RPH3A: variants seen among roughly 807,000 people sequenced by gnomAD.
RPH3A encodes rabphilin-3A.
Under a neutral mutation model 102.2 loss-of-function variants are expected in RPH3A, and 48 were observed. That is an observed-to-expected ratio of 0.47 (90% CI 0.37 to 0.60). The LOEUF (loss-of-function observed/expected upper bound fraction) is 0.60, where lower values mean the gene tolerates loss of function less well. RPH3A is among the 20% of genes least tolerant of loss of function. RPH3A has a pLI of 0.00. For missense variants in RPH3A, 781 were observed against 910.1 expected (o/e 0.86, Z 1.83); for synonymous variants, 310 against 324.3 (o/e 0.96, Z 0.47).
intron 1 of RPH3A, among the ~76,000 whole-genome samples, chr12:112,731,927 G>C (rs1446167326): frequency 6.6e-6 from 1 of 152,188 alleles, no homozygotes; most frequent in Admixed American, 6.5e-5. Flanking sequence ...TACATAATTT[G>C]TGTGTTTTCT....
At chr12:112,662,163 T>C (rs1456415010) in intron 1 of RPH3A, among the ~76,000 whole-genome samples, 5 of 152,224 alleles carry the variant, frequency 3.3e-5, no homozygotes, top group African/African-American at 1.2e-4. Context: ...TTTTCTTTTT[T>C]GGTCTACCAC....
At chr12:112,698,807 C>T (rs938100577) in intron 1 of RPH3A, among the ~76,000 whole-genome samples, 1 of 151,370 alleles carries the variant, frequency 6.6e-6, no homozygotes, top group Non-Finnish European at 1.5e-5. Flanking sequence ...GATAGTTTTC[C>T]CCTCCTTCTC....
chr12:112,820,819 C>A (rs1250754576), intron 2 of RPH3A, among the ~76,000 whole-genome samples: 1 of 152,170 alleles, frequency 6.6e-6, no homozygotes, highest in Non-Finnish European at 1.5e-5. Context: ...TCATGGCAGG[C>A]ACCATCTGTT....
intron 2 of RPH3A, among the ~76,000 whole-genome samples, chr12:112,797,488 A>G (rs949351534): frequency 6.6e-6 from 1 of 152,014 alleles, no homozygotes; most frequent in African/African-American, 2.4e-5. Flanking sequence ...CTGCTACTGA[A>G]TCCCACAGGA....
intron 1 of RPH3A, among the ~76,000 whole-genome samples, chr12:112,646,837 C>G (rs2039935242): frequency 6.6e-6 from 1 of 152,150 alleles, no homozygotes; most frequent in Admixed American, 6.5e-5. Context: ...TTGCTGATGC[C>G]TGGTGAGAGT....
chr12:112,715,436 C>A (rs1032229763), intron 1 of RPH3A, among the ~76,000 whole-genome samples: 1 of 152,190 alleles, frequency 6.6e-6, no homozygotes, highest in Admixed American at 6.5e-5. Flanking sequence ...CCCCTCTCCA[C>A]TCAAATGTAA....
At chr12:112,891,024 T>A in intron 19 of RPH3A, 21 bp downstream of exon 19, 2 of 1,613,696 alleles carry the variant, frequency 1.2e-6, no homozygotes, top group Non-Finnish European at 1.7e-6. Flanking sequence ...GCCTTGGGGC[T>A]ACAGGTGGGC....
chr12:112,679,337 T>C (rs1203287360), intron 1 of RPH3A, among the ~76,000 whole-genome samples: 2 of 152,118 alleles, frequency 1.3e-5, no homozygotes, highest in African/African-American at 4.8e-5. Flanking sequence ...GTATTTTTAG[T>C]AGAGATGGGG....
chr12:112,855,888 T>A (rs371416278), intron 5 of RPH3A, among the ~76,000 whole-genome samples: 2 of 151,892 alleles, frequency 1.3e-5, no homozygotes, highest in Non-Finnish European at 2.9e-5. Flanking sequence ...TGTGTGTGTG[T>A]GAGAGACAGA....
At chr12:112,820,024 G>A (rs965712991) in intron 2 of RPH3A, among the ~76,000 whole-genome samples, 1 of 152,204 alleles carries the variant, frequency 6.6e-6, no homozygotes, top group African/African-American at 2.4e-5. Flanking sequence ...AAAAGGACAA[G>A]GATACAGAAA....
chr12:112,897,766 C>T lies in RPH3A; in HGVS notation c.*986C>T, dbSNP rs1320471147. The T allele has an allele frequency of 6.6e-6, 1 of 152,344 alleles. No individual in the cohort carries two copies. The highest frequency in any genetic ancestry group is 1.5e-5 in the Non-Finnish European group (1 of 68,132). 9.4% of individuals were successfully genotyped at this position (152,344 alleles called of 1,614,324 possible). ...CACTCCTCCCGTTGGCAGAACCAGA[C>T]ATTCCCAGGGCTTGGGCCAATGGCT... On this transcript the variant is annotated 3_prime_UTR_variant, in exon 22 of 22. Transcript: ENST00000389385.
rs73193163 is a variant in RPH3A, at chr12:112,576,103, T to G, written c.-140+784T>G. ...CCACGCTCCCTGAACTTGCTACTTG[T>G]GATGACCCTGATTTTACAGACAGGG... On this transcript the variant is annotated intron_variant, in intron 1 of 21. Coordinates refer to the RPH3A transcript ENST00000543106. Among the ~76,000 whole-genome samples the G allele has an allele frequency of 5.3e-5, 8 of 152,196 alleles. 1 individual carries two copies. The East Asian group carries it at 1.3e-3, about 26-fold the overall frequency.
intron 1 of RPH3A, among the ~76,000 whole-genome samples, chr12:112,713,612 T>G (rs1486939594): frequency 2.0e-5 from 3 of 152,118 alleles, no homozygotes; most frequent in Non-Finnish European, 4.4e-5. Context: ...GTGTGGCTGT[T>G]TTGAGACTCA....
intron 1 of RPH3A, among the ~76,000 whole-genome samples, chr12:112,580,545 C>A (rs550428090): frequency 4.6e-5 from 7 of 151,610 alleles, no homozygotes; most frequent in African/African-American, 1.2e-4. Flanking sequence ...CTGGGACCAC[C>A]GGCGCCCGCC....
intron 1 of RPH3A, among the ~76,000 whole-genome samples, chr12:112,721,136 C>T (rs2040547509): frequency 6.6e-6 from 1 of 152,186 alleles, no homozygotes. Flanking sequence ...AGCATAGTTT[C>T]TGGCACACGG....
intron 1 of RPH3A, among the ~76,000 whole-genome samples, chr12:112,756,898 GTAT>G (rs760332403): frequency 7.2e-4 from 110 of 152,310 alleles, no homozygotes; most frequent in Admixed American, 3.2e-3. Context: ...CCAGCAAAAA[GTAT>G]TATTAACCTT....
upstream of RPH3A, among the ~76,000 whole-genome samples, chr12:112,787,256 G>A (rs1471916066): frequency 6.6e-6 from 1 of 152,280 alleles, no homozygotes; most frequent in African/African-American, 2.4e-5. Flanking sequence ...CCCTTTTGGG[G>A]ATGAAAATGT....
At position 112,869,742 on chromosome 12, in the gene RPH3A, G is replaced by C; in HGVS notation, c.611-17G>C. 1 of 1,614,056 alleles carries C rather than the reference G, an allele frequency of 6.2e-7. No homozygotes were observed. The highest frequency in any genetic ancestry group is 1.1e-5 in the South Asian group (1 of 91,074). ...AGAAAACCAGTACTCCTCATAATTT[G>C]TGTTTTCTTTCTCCAGGTGACAGTG... On this transcript the variant is annotated splice_polypyrimidine_tract_variant and intron_variant, in intron 8 of 21. Transcript: ENST00000389385.
intron 1 of RPH3A, among the ~76,000 whole-genome samples, chr12:112,744,307 C>A (rs934628599): frequency 1.3e-5 from 2 of 152,090 alleles, no homozygotes; most frequent in Non-Finnish European, 2.9e-5. Flanking sequence ...AACTCCTGAC[C>A]TCAAGTGATC....
Sources: allele counts gnomAD v4.1 joint callset (sites outside exome capture counted in the v4.1 genomes callset), GRCh38; gene constraint gnomAD v4.1.1; transcripts MANE v1.5; gene names NCBI Gene and HGNC (gene_info 2026-07-23, HGNC 2026-07-21).